TDRD5: variants seen among roughly 807,000 people sequenced by gnomAD.
TDRD5 encodes the protein tudor domain-containing protein 5.
A neutral mutation model predicts 120.6 loss-of-function variants in TDRD5; 41 were observed. The ratio of observed to expected loss-of-function variants is 0.34; its 90% CI spans 0.26 to 0.44. TDRD5 has a LOEUF of 0.44. Ranked by LOEUF, TDRD5 falls within the 20% of genes least tolerant of loss-of-function variation. TDRD5 has a pLI of 1.00. For synonymous variants in TDRD5, 430 were observed against 433.7 expected (o/e 0.99, Z 0.11); for missense variants, 1,006 against 1,221.2 (o/e 0.82, Z 2.63).
chr1:179,677,544 C>G (rs1225482598), intron 17 of TDRD5, among the ~76,000 whole-genome samples: 1 of 152,180 alleles, frequency 6.6e-6, no homozygotes. Flanking sequence ...CCACGGGATG[C>G]TCCCTTGATG....
chr1:179,593,606 G>A lies in TDRD5; in HGVS notation c.379G>A (p.Val127Ile). 6.2e-7 allele frequency: 1 copy of A among 1,614,248 alleles called. No individual in the cohort carries two copies. The highest frequency in any genetic ancestry group is 1.1e-5 in the South Asian group (1 of 91,086). ...TCGGCGAGTACCTTACCGAGGAAGG[G>A]TTGCCCCTATTCTTCCAGCTGTTGT... ...SHRRVPYRGR[V>I]APILPAVVKS... Residue 127 changes from valine to isoleucine, a missense_variant, in exon 3 of 18, where the codon GTT becomes ATT. By Grantham distance (29) the Val-to-Ile change is conservative. This residue lies in a region of TDRD5 where 445 missense variants were observed against 515.5 expected (regional missense o/e 0.86). Coordinates refer to ENST00000444136, the MANE Select transcript of TDRD5 (RefSeq NM_001199085.3).
Position 179,606,658 on chromosome 1 carries a change from T to G in TDRD5, c.831+10840T>G, listed in dbSNP as rs1325492708. On this transcript the variant is annotated intron_variant, in intron 4 of 17. Coordinates refer to ENST00000444136, the MANE Select transcript of TDRD5 (RefSeq NM_001199085.3). Reference sequence around the variant, plus strand: ...GTGTGTGTGGGGTCGTTTTTGTGGGTTTTTTTGCAAGTGGATGTTCAATTC... The same window carrying G: ...GTGTGTGTGGGGTCGTTTTTGTGGGGTTTTTTGCAAGTGGATGTTCAATTC... 4.7e-5 allele frequency among the ~76,000 whole-genome samples: 7 copies of G among 149,222 alleles called. No individual in the cohort carries two copies. In the East Asian group the frequency reaches 1.3e-3, roughly 29 times the overall value.
At chr1:179,672,507 T>C (rs10913855) in intron 17 of TDRD5, among the ~76,000 whole-genome samples, 2,017 of 152,306 alleles carry the variant, frequency 0.013, 56 homozygotes, top group African/African-American at 0.045. Context: ...CTTTGTTGGA[T>C]GTATAGATTG....
chr1:179,650,134 C>T (rs1411231763), intron 11 of TDRD5, among the ~76,000 whole-genome samples: 1 of 152,142 alleles, frequency 6.6e-6, no homozygotes, highest in Non-Finnish European at 1.5e-5. Flanking sequence ...CATCTGGTGG[C>T]TCACGCCTGT....
intron 17 of TDRD5, among the ~76,000 whole-genome samples, chr1:179,681,239 G>C (rs1463489770): frequency 6.6e-6 from 1 of 151,756 alleles, no homozygotes; most frequent in Non-Finnish European, 1.5e-5. Context: ...CAGCACACCT[G>C]GCTAGTTTTT....
chr1:179,681,946 T>C (rs4651047), intron 17 of TDRD5, among the ~76,000 whole-genome samples: 23 of 514 alleles, frequency 0.045, no homozygotes, highest in Middle Eastern at 0.5. Context: ...TTCTTTTTTT[T>C]TTTTTTTTTT....
intron 17 of TDRD5, among the ~76,000 whole-genome samples, chr1:179,682,807 A>T (rs1680498068): frequency 6.6e-6 from 1 of 151,712 alleles, no homozygotes; most frequent in South Asian, 2.1e-4. Flanking sequence ...GAGATTATTG[A>T]TGGACTTGAT....
intron 16 of TDRD5, among the ~76,000 whole-genome samples, chr1:179,666,076 A>G (rs1329654238): frequency 2.0e-5 from 3 of 152,204 alleles, no homozygotes; most frequent in Non-Finnish European, 4.4e-5. Context: ...GTAGACAAAC[A>G]TGTTTTGCTT....
chr1:179,592,696 C>A lies in TDRD5; in HGVS notation c.81C>A (p.Ser27Arg). Residue 27 changes from serine to arginine, a missense_variant, in exon 2 of 18, where the codon AGC becomes AGA. Coordinates refer to ENST00000444136, the MANE Select transcript of TDRD5 (RefSeq NM_001199085.3). ...TCATTTCCACCAAAGATGGTTTGAG[C>A]CCACAGGAGTTGGAGAAGGAGTACC... ...SLLISTKDGL[S>R]PQELEKEYLL... 1 of 1,614,108 alleles carries A rather than the reference C, an allele frequency of 6.2e-7. No individual in the cohort carries two copies.
intron 4 of TDRD5, among the ~76,000 whole-genome samples, chr1:179,605,416 A>G (rs1675920188): frequency 6.6e-6 from 1 of 152,132 alleles, no homozygotes; most frequent in Non-Finnish European, 1.5e-5. Flanking sequence ...TAATCCTGCT[A>G]TTTGTTGCAT....
intron 6 of TDRD5, among the ~76,000 whole-genome samples, chr1:179,630,124 A>G (rs1412581701): frequency 1.3e-5 from 2 of 151,942 alleles, no homozygotes; most frequent in Non-Finnish European, 2.9e-5. Context: ...CAGCCTCACG[A>G]GTAGCTGGGA....
At chr1:179,599,702 C>T (rs928160953) in intron 4 of TDRD5, among the ~76,000 whole-genome samples, 1 of 152,114 alleles carries the variant, frequency 6.6e-6, no homozygotes, top group African/African-American at 2.4e-5. Context: ...CTATCTCTCT[C>T]ATACACATAT....
chr1:179,673,929 A>C (rs1396854087), intron 17 of TDRD5, among the ~76,000 whole-genome samples: 1 of 152,178 alleles, frequency 6.6e-6, no homozygotes, highest in Non-Finnish European at 1.5e-5. Flanking sequence ...GAATTCATTT[A>C]CCAGTTCTAG....
chr1:179,690,344 G>A (rs1186186600), intron 17 of TDRD5, among the ~76,000 whole-genome samples: 1 of 152,220 alleles, frequency 6.6e-6, no homozygotes, highest in East Asian at 1.9e-4. Context: ...TTAGCTTAGT[G>A]CTGGAAGGAA....
intron 14 of TDRD5, 97 bp downstream of exon 14, chr1:179,654,459 T>G (rs1159402381): frequency 4.0e-6 from 5 of 1,265,824 alleles, no homozygotes; most frequent in Non-Finnish European, 5.2e-6. Flanking sequence ...TAAACCCCAC[T>G]GCTTTTAGTA....
chr1:179,675,833 T>A (rs1201207497), intron 17 of TDRD5, among the ~76,000 whole-genome samples: 4 of 152,194 alleles, frequency 2.6e-5, no homozygotes, highest in Non-Finnish European at 5.9e-5. Context: ...ATATATATTC[T>A]GCATTTTGTG....
intron 4 of TDRD5, among the ~76,000 whole-genome samples, chr1:179,602,960 CT>C (rs1675796049): frequency 6.6e-6 from 1 of 152,084 alleles, no homozygotes; most frequent in Non-Finnish European, 1.5e-5. Flanking sequence ...TTGTAGGTTG[CT>C]TTTGGCAGTA....
chr1:179,641,622 T>G (rs2102030317), intron 11 of TDRD5, among the ~76,000 whole-genome samples: 1 of 152,344 alleles, frequency 6.6e-6, no homozygotes, highest in South Asian at 2.1e-4. Context: ...TGTATGTTTC[T>G]TCCAGTTTAT....
At chr1:179,599,636 C>T (rs1274160951) in intron 4 of TDRD5, among the ~76,000 whole-genome samples, 1 of 151,474 alleles carries the variant, frequency 6.6e-6, no homozygotes, top group African/African-American at 2.4e-5. Flanking sequence ...TCATAATGTT[C>T]TCCCAGTAAC....
Sources: gnomAD v4.1 joint callset for allele counts (sites outside exome capture counted in the v4.1 genomes callset) on GRCh38, gnomAD v4.1.1 for gene constraint, gnomAD v4.1.1 regional missense constraint, MANE v1.5 for transcripts, NCBI Gene and HGNC (gene_info 2026-07-23, HGNC 2026-07-21) for gene names.